Variants in LRRC7 observed in about 807,000 individuals in gnomAD.
The protein encoded by LRRC7 is leucine rich repeat containing 7, also known as leucine-rich repeat-containing protein 7.
LRRC7 carries 23 observed loss-of-function variants against 175.7 expected under a neutral mutation model. The ratio of observed to expected loss-of-function variants is 0.13; its 90% CI spans 0.09 to 0.19. LRRC7 has a LOEUF of 0.19. Ranked by LOEUF, LRRC7 falls within the 10% of genes least tolerant of loss-of-function variation. The pLI is 1.00. For missense variants in LRRC7, 1,354 were observed against 1,904.7 expected (o/e 0.71, Z 5.38); for synonymous variants, 685 against 680.9 (o/e 1.01, Z -0.09).
At chr1:69,830,181 G>A (rs1680366332) in intron 5 of LRRC7, among the ~76,000 whole-genome samples, 1 of 151,616 alleles carries the variant, frequency 6.6e-6, no homozygotes, top group Non-Finnish European at 1.5e-5. Context: ...ATTTGCTGTA[G>A]GATACATTCT....
At chr1:69,698,861 C>T (rs1441745974) in intron 2 of LRRC7, among the ~76,000 whole-genome samples, 1 of 152,156 alleles carries the variant, frequency 6.6e-6, no homozygotes, top group Non-Finnish European at 1.5e-5. Flanking sequence ...TTGGTCAATG[C>T]TTTAGTCTTC....
intron 7 of LRRC7, among the ~76,000 whole-genome samples, chr1:69,906,009 T>C (rs1412819150): frequency 6.6e-6 from 1 of 152,256 alleles, no homozygotes; most frequent in East Asian, 1.9e-4. Context: ...TGATGGCCAG[T>C]GATGGCGAGC....
At chr1:69,682,012 G>T (rs184960037) in intron 2 of LRRC7, among the ~76,000 whole-genome samples, 68 of 152,238 alleles carry the variant, frequency 4.5e-4, no homozygotes, top group African/African-American at 1.6e-3. Context: ...AAGTTCAACT[G>T]GGGAAATAAT....
At chr1:69,996,660 T>C (rs1380284739) in intron 11 of LRRC7, among the ~76,000 whole-genome samples, 1 of 152,182 alleles carries the variant, frequency 6.6e-6, no homozygotes, top group Admixed American at 6.5e-5. Context: ...TAGGGAATCC[T>C]TTCCCCATTT....
intron 7 of LRRC7, among the ~76,000 whole-genome samples, chr1:69,923,665 T>C (rs984469306): frequency 2.6e-5 from 4 of 152,222 alleles, no homozygotes; most frequent in South Asian, 2.1e-4. Context: ...TTTTTTCTTG[T>C]AAATTTGTTT....
chr1:69,937,905 C>T (rs1362065126), intron 8 of LRRC7, among the ~76,000 whole-genome samples: 1 of 151,648 alleles, frequency 6.6e-6, no homozygotes, highest in Admixed American at 6.6e-5. Context: ...TATTAATTTC[C>T]TCAGAACTTG....
Position 69,608,840 on chromosome 1 carries a change from CTCTCTCTCTCTCTCTCTCTCTCTCTCTA to C in LRRC7, c.2+40201_2+40228del, listed in dbSNP as rs1234997950. 4.9e-3 allele frequency among the ~76,000 whole-genome samples: 230 copies of C among 46,500 alleles called. 1 individual carries two copies. The highest frequency in any genetic ancestry group is 6.7e-3 in the Non-Finnish European group (171 of 25,606). The allele number at this position is 46,500 out of a possible 152,430, so 30.5% of individuals were successfully genotyped here. ...TCTCTCTCTCTCTCTCTCTCTCTCTCTCTCTCTCTCTCTCTCTCTCTCTCTCTATATATATATATATATATATATATAT... is the reference window on the plus strand; with the variant it reads ...TCTCTCTCTCTCTCTCTCTCTCTCTCTATATATATATATATATATATATAT... On this transcript the variant is annotated intron_variant, in intron 1 of 26. Coordinates refer to ENST00000651989, the MANE Select transcript of LRRC7 (RefSeq NM_001370785.2).
At chr1:69,946,634 C>T (rs528248973) in intron 8 of LRRC7, among the ~76,000 whole-genome samples, 3 of 144,954 alleles carry the variant, frequency 2.1e-5, no homozygotes, top group East Asian at 2.1e-4. Context: ...TGAATGAACC[C>T]CTTTATCATT....
At chr1:69,608,109 T>A (rs556923222) in intron 1 of LRRC7, 1 of 152,952 alleles carries the variant, frequency 6.5e-6, no homozygotes, top group African/African-American at 2.4e-5. Context: ...GGGTTTTTCA[T>A]TTCCCAAATC....
At chr1:69,787,352 CT>C (rs770455547) in intron 3 of LRRC7, among the ~76,000 whole-genome samples, 22 of 152,202 alleles carry the variant, frequency 1.4e-4, no homozygotes, top group Non-Finnish European at 2.8e-4. Flanking sequence ...TGGTGGCCCT[CT>C]TCTCACAGCT....
intron 3 of LRRC7, among the ~76,000 whole-genome samples, chr1:69,788,249 C>G (rs1449121668): frequency 6.6e-6 from 1 of 152,148 alleles, no homozygotes; most frequent in African/African-American, 2.4e-5. Context: ...AATCCAGACT[C>G]ATGTAAGTCT....
Position 70,131,580 on chromosome 1 carries a change from A to C in LRRC7, c.*9693A>C, listed in dbSNP as rs1335979386. ...TACTCTTATTCTACCTCTGCTTTTTAATTTCTTTGTATAAAGAGAACTTGA... is the reference window on the plus strand; with the variant it reads ...TACTCTTATTCTACCTCTGCTTTTTCATTTCTTTGTATAAAGAGAACTTGA... On this transcript the variant is annotated 3_prime_UTR_variant, in exon 27 of 27. Transcript: ENST00000651989. 1.3e-5 allele frequency among the ~76,000 whole-genome samples: 2 copies of C among 152,210 alleles called. No individual in the cohort carries two copies. Among genetic ancestry groups the C allele is most frequent in the East Asian group, 3.8e-4 (2 of 5,206 alleles).
chr1:69,787,947 T>C (rs1351586383), intron 3 of LRRC7, among the ~76,000 whole-genome samples: 2 of 151,886 alleles, frequency 1.3e-5, no homozygotes. Context: ...TTCTTCCCCC[T>C]CCCTCCATCC....
chr1:69,935,156 G>A (rs994364036), intron 8 of LRRC7, among the ~76,000 whole-genome samples: 5 of 152,110 alleles, frequency 3.3e-5, no homozygotes. Flanking sequence ...AGGAAGGCAG[G>A]GAGTACAATG....
At position 69,915,734 on chromosome 1, in the gene LRRC7, C is replaced by T. The variant is rs148496278; in HGVS notation, c.648-15773C>T. On this transcript the variant is annotated intron_variant, in intron 7 of 26. Transcript: ENST00000651989. Reference sequence around the variant, plus strand: ...AAACTTTAGAAAACACTTTCTTAGACGATCTCTAAAGCTTTTTCAAACTCT... The same window carrying T: ...AAACTTTAGAAAACACTTTCTTAGATGATCTCTAAAGCTTTTTCAAACTCT... Among the ~76,000 whole-genome samples, 559 of 151,928 alleles carry T rather than the reference C, an allele frequency of 3.7e-3. 2 individuals carry two copies. The highest frequency in any genetic ancestry group is 0.02 in the Middle Eastern group (6 of 294).
At position 70,143,342 on chromosome 1, in the gene LRRC7, T is replaced by TATCA. The variant is rs1553210598; in HGVS notation, c.*21457_*21460dup. On this transcript the variant is annotated 3_prime_UTR_variant, in exon 27 of 27. Coordinates refer to ENST00000651989, the MANE Select transcript of LRRC7 (RefSeq NM_001370785.2). ...TGATTTCAAAGAAATCCCATTATATTATCAAGTCGTTTTCAAATTTACAAT... is the reference window on the plus strand; with the variant it reads ...TGATTTCAAAGAAATCCCATTATATTATCAATCAAGTCGTTTTCAAATTTACAAT... 2 of 151,486 alleles carry TATCA rather than the reference T, an allele frequency of 1.3e-5. No individual in the cohort carries two copies. Among genetic ancestry groups the TATCA allele is most frequent in the African/African-American group, 2.4e-5 (1 of 41,396 alleles). The allele number at this position is 151,486 out of a possible 1,614,324, so 9.4% of individuals were successfully genotyped here.
chr1:69,955,976 T>A (rs1433116764), intron 8 of LRRC7, among the ~76,000 whole-genome samples: 1 of 151,962 alleles, frequency 6.6e-6, no homozygotes, highest in Non-Finnish European at 1.5e-5. Flanking sequence ...TTCATTCAAC[T>A]TTTGTGTAAG....
At chr1:69,663,882 C>T (rs1015884404) in intron 1 of LRRC7, among the ~76,000 whole-genome samples, 6 of 151,118 alleles carry the variant, frequency 4.0e-5, no homozygotes, top group South Asian at 4.2e-4. Context: ...CCACCGCGCC[C>T]GGCTAATTTT....
intron 7 of LRRC7, among the ~76,000 whole-genome samples, chr1:69,858,459 T>TA (rs965041563): frequency 5.3e-4 from 80 of 151,504 alleles, no homozygotes; most frequent in African/African-American, 1.6e-3. Context: ...AGTATAATAA[T>TA]AAAAAAAAAT....
Sources: gnomAD v4.1 joint callset for allele counts (sites outside exome capture counted in the v4.1 genomes callset) on GRCh38, gnomAD v4.1.1 for gene constraint, MANE v1.5 for transcripts, NCBI Gene and HGNC (gene_info 2026-07-23, HGNC 2026-07-21) for gene names.